Variants in LUZP2 observed in about 807,000 individuals in gnomAD.
LUZP2 encodes the protein leucine zipper protein 2.
Under a neutral mutation model 51.6 loss-of-function variants are expected in LUZP2, and 52 were observed. The ratio of observed to expected loss-of-function variants is 1.01; its 90% confidence interval spans 0.81 to 1.27. LUZP2 has a LOEUF of 1.27. Among genes scored for constraint, LUZP2 ranks in the 50% most tolerant of loss-of-function variants. LUZP2 has a pLI of 0.00. For synonymous variants in LUZP2, 154 were observed against 137.3 expected (o/e 1.12, Z -0.85); for missense variants, 436 against 395.4 (o/e 1.10, Z -0.87).
chr11:24,872,894 G>T (rs915175518), intron 5 of LUZP2, among the ~76,000 whole-genome samples: 1 of 152,084 alleles, frequency 6.6e-6, no homozygotes, highest in Non-Finnish European at 1.5e-5. Flanking sequence ...GCTTGTAAAT[G>T]GGAGACTTTA....
At chr11:24,813,432 C>T (rs1041098138) in intron 5 of LUZP2, among the ~76,000 whole-genome samples, 1 of 152,072 alleles carries the variant, frequency 6.6e-6, no homozygotes, top group Admixed American at 6.6e-5. Flanking sequence ...AAGAAGCTTC[C>T]AGTCATGGCA....
intron 5 of LUZP2, among the ~76,000 whole-genome samples, chr11:24,849,412 A>G (rs527736927): frequency 6.6e-6 from 1 of 152,268 alleles, no homozygotes; most frequent in South Asian, 2.1e-4. Context: ...TAGTTTGCTG[A>G]GAATGATGGT....
intron 5 of LUZP2, among the ~76,000 whole-genome samples, chr11:24,885,959 A>C (rs1590689438): frequency 6.6e-6 from 1 of 152,178 alleles, no homozygotes; most frequent in East Asian, 1.9e-4. Context: ...TTACATCTGC[A>C]ACCACTTTAA....
intron 1 of LUZP2, among the ~76,000 whole-genome samples, chr11:24,700,161 A>T (rs1380167993): frequency 6.8e-6 from 1 of 148,066 alleles, no homozygotes; most frequent in African/African-American, 2.5e-5. Flanking sequence ...TCCCAGATTC[A>T]AGCAAGTCTC....
At chr11:24,550,714 G>A (rs1275562477) in intron 1 of LUZP2, among the ~76,000 whole-genome samples, 2 of 151,998 alleles carry the variant, frequency 1.3e-5, no homozygotes, top group Non-Finnish European at 2.9e-5. Flanking sequence ...TCTTTTTCTT[G>A]TTGTCTAAAT....
At chr11:24,562,629 A>G (rs1852082648) in intron 1 of LUZP2, among the ~76,000 whole-genome samples, 1 of 151,442 alleles carries the variant, frequency 6.6e-6, no homozygotes, top group Admixed American at 6.6e-5. Context: ...TGAGGCGAGC[A>G]GATCACAAGG....
chr11:24,826,190 A>AAAAAAAAAAAATATATATATATATAT (rs1215786412), intron 5 of LUZP2, among the ~76,000 whole-genome samples: 1 of 67,536 alleles, frequency 1.5e-5, no homozygotes, highest in African/African-American at 5.9e-5. Context: ...AAAAAAAAAA[A>AAAAAAAAAAAATATATATATATATAT]ATATATATAT....
At chr11:24,654,725 A>T (rs1016421553) in intron 1 of LUZP2, among the ~76,000 whole-genome samples, 1 of 140,090 alleles carries the variant, frequency 7.1e-6, no homozygotes, top group Non-Finnish European at 1.5e-5. Flanking sequence ...GGGTTTCACC[A>T]TCTTGGCCAG....
At chr11:25,037,640 A>G (rs2134001201) in intron 9 of LUZP2, among the ~76,000 whole-genome samples, 1 of 152,260 alleles carries the variant, frequency 6.6e-6, no homozygotes, top group East Asian at 1.9e-4. Context: ...AAGACCTCTG[A>G]TAAGGCCAGT....
chr11:24,627,430 C>G (rs899802054), intron 1 of LUZP2, among the ~76,000 whole-genome samples: 14 of 152,272 alleles, frequency 9.2e-5, no homozygotes, highest in African/African-American at 3.4e-4. Flanking sequence ...ACTAGCTTGT[C>G]TCCCCGGAGT....
chr11:24,837,090 C>T (rs1486708), intron 5 of LUZP2, among the ~76,000 whole-genome samples: 80,302 of 151,550 alleles, frequency 0.53, 24,111 homozygotes, highest in East Asian at 0.78. Flanking sequence ...AATGTTCATC[C>T]GATGTAATTT....
chr11:24,509,524 A>G (rs1850242117), intron 1 of LUZP2, among the ~76,000 whole-genome samples: 1 of 148,828 alleles, frequency 6.7e-6, no homozygotes, highest in Non-Finnish European at 1.5e-5. Context: ...GTGTATATGT[A>G]TTATGTAGTA....
chr11:24,546,775 T>C (rs1428082260), intron 1 of LUZP2, among the ~76,000 whole-genome samples: 1 of 152,090 alleles, frequency 6.6e-6, no homozygotes, highest in Non-Finnish European at 1.5e-5. Flanking sequence ...ATCAGAATGA[T>C]GCTGGCCTCA....
intron 9 of LUZP2, among the ~76,000 whole-genome samples, chr11:25,034,370 G>A (rs533349732): frequency 1.3e-5 from 2 of 152,096 alleles, no homozygotes; most frequent in South Asian, 2.1e-4. Context: ...CCATTCTGTA[G>A]GTTGTCTGTT....
At chr11:24,572,196 C>T (rs1422908733) in intron 1 of LUZP2, among the ~76,000 whole-genome samples, 1 of 151,864 alleles carries the variant, frequency 6.6e-6, no homozygotes, top group Non-Finnish European at 1.5e-5. Flanking sequence ...TGTCAAATTC[C>T]AACTATTTTA....
intron 9 of LUZP2, among the ~76,000 whole-genome samples, chr11:25,004,386 G>A (rs374004900): frequency 8.5e-5 from 13 of 152,282 alleles, no homozygotes; most frequent in Admixed American, 2.6e-4. Context: ...TGAAGGCTAT[G>A]ACAAAGGCTG....
intron 9 of LUZP2, among the ~76,000 whole-genome samples, chr11:24,989,745 A>G (rs1197863575): frequency 5.3e-5 from 8 of 152,154 alleles, no homozygotes; most frequent in African/African-American, 1.7e-4. Flanking sequence ...ATATTCAAAG[A>G]GAATATGCTG....
chr11:24,579,861 C>G (rs1286494963), intron 1 of LUZP2, among the ~76,000 whole-genome samples: 1 of 152,036 alleles, frequency 6.6e-6, no homozygotes, highest in African/African-American at 2.4e-5. Context: ...GTCTTTTAAC[C>G]TGATACTGTC....
At chr11:24,735,920 C>G (rs1026223334) in intron 3 of LUZP2, among the ~76,000 whole-genome samples, 3 of 151,886 alleles carry the variant, frequency 2.0e-5, no homozygotes, top group African/African-American at 7.2e-5. Context: ...CTTAGCAAGT[C>G]TTTGAAGCAG....
Sources: gnomAD v4.1 joint callset for allele counts (sites outside exome capture counted in the v4.1 genomes callset) on GRCh38, gnomAD v4.1.1 for gene constraint, MANE v1.5 for transcripts, NCBI Gene and HGNC (gene_info 2026-07-23, HGNC 2026-07-21) for gene names.